ITPR2: variants seen among roughly 807,000 people sequenced by gnomAD.
ITPR2 encodes inositol 1,4,5-trisphosphate receptor type 2, also known as inositol 1,4,5-trisphosphate-gated calcium channel ITPR2.
ITPR2 carries 207 observed loss-of-function variants against 317.1 expected under a neutral mutation model. The observed-to-expected ratio is 0.65, with a 90% CI of 0.58 to 0.73. The LOEUF is 0.73. ITPR2 is among the 30% of genes least tolerant of loss of function. ITPR2 has a pLI of 0.00. For synonymous variants in ITPR2, 1,156 were observed against 1,149.1 expected, an observed-to-expected ratio of 1.01 and a Z score of -0.12; for missense variants, 2,613 against 3,284.0, an observed-to-expected ratio of 0.80 and a Z score of 4.99.
intron 40 of ITPR2, 110 bp downstream of exon 40, chr12:26,486,958 T>C (rs966111945): frequency 9.0e-7 from 1 of 1,107,802 alleles, no homozygotes; most frequent in African/African-American, 1.5e-5. Flanking sequence ...AGAGCCACAG[T>C]GGGGATAATT....
intron 4 of ITPR2, among the ~76,000 whole-genome samples, chr12:26,723,039 A>G (rs189082924): frequency 1.3e-5 from 2 of 152,198 alleles, no homozygotes; most frequent in Admixed American, 1.3e-4. Flanking sequence ...TGCTCATCCT[A>G]AATAGGCTTC....
Position 26,541,666 on chromosome 12 carries a change from A to T in ITPR2, c.5073+8581T>A, listed in dbSNP as rs138729413. On this transcript the variant is annotated intron_variant, in intron 37 of 56. Coordinates refer to ENST00000381340, the MANE Select transcript of ITPR2 (RefSeq NM_002223.4). ...GAATGATTCTATACAGATTGATACA[A>T]TAAGAGGAGCTTGATACAATTTACA... Among the ~76,000 whole-genome samples, 149 of 152,354 alleles carry T rather than the reference A, an allele frequency of 9.8e-4. 1 individual carries two copies. Among genetic ancestry groups the T allele is most frequent in the African/African-American group, 3.4e-3 (140 of 41,586 alleles).
chr12:26,752,187 T>C (rs1041461058), intron 2 of ITPR2, among the ~76,000 whole-genome samples: 1 of 152,218 alleles, frequency 6.6e-6, no homozygotes, highest in Non-Finnish European at 1.5e-5. Flanking sequence ...TTTCTCCTAT[T>C]GCATTCTCAG....
chr12:26,827,425 A>C (rs1300236055), intron 1 of ITPR2, among the ~76,000 whole-genome samples: 1 of 152,202 alleles, frequency 6.6e-6, no homozygotes, highest in African/African-American at 2.4e-5. Flanking sequence ...AATTTTGCAC[A>C]AACAGACTGA....
chr12:26,370,178 C>A (rs889817315), intron 55 of ITPR2, among the ~76,000 whole-genome samples: 4 of 152,136 alleles, frequency 2.6e-5, no homozygotes, highest in African/African-American at 4.8e-5. Flanking sequence ...ATGATGGTAA[C>A]CCCTGAATTT....
At chr12:26,645,162 T>C (rs4964009) in intron 21 of ITPR2, among the ~76,000 whole-genome samples, 83,464 of 152,064 alleles carry the variant, frequency 0.55, 23,657 homozygotes, top group East Asian at 0.8. Flanking sequence ...GCTAATCCTC[T>C]CCCAGAGTCT....
intron 2 of ITPR2, 24 bp downstream of exon 2, chr12:26,790,133 T>TA (rs1246225919): frequency 1.2e-5 from 19 of 1,534,166 alleles, no homozygotes; most frequent in Non-Finnish European, 1.7e-5. Flanking sequence ...CTCACACAAT[T>TA]AAAAAAATAT....
intron 9 of ITPR2, among the ~76,000 whole-genome samples, chr12:26,703,073 G>C (rs1207607324): frequency 6.6e-6 from 1 of 152,156 alleles, no homozygotes; most frequent in East Asian, 1.9e-4. Context: ...AAACAATCCA[G>C]TTAAGTGCTG....
At chr12:26,760,723 TGGC>T (rs1409702352) in intron 2 of ITPR2, among the ~76,000 whole-genome samples, 4 of 152,248 alleles carry the variant, frequency 2.6e-5, no homozygotes, top group African/African-American at 9.6e-5. Flanking sequence ...TGAGGAATCC[TGGC>T]GAGAAAGACT....
intron 55 of ITPR2, among the ~76,000 whole-genome samples, chr12:26,361,388 C>T (rs1218606203): frequency 6.6e-6 from 1 of 152,168 alleles, no homozygotes; most frequent in Non-Finnish European, 1.5e-5. Flanking sequence ...ACAATATCCT[C>T]TCATTCCTGT....
intron 55 of ITPR2, among the ~76,000 whole-genome samples, chr12:26,364,272 T>C (rs1272293002): frequency 6.6e-6 from 1 of 152,242 alleles, no homozygotes; most frequent in African/African-American, 2.4e-5. Flanking sequence ...ATATTATTTA[T>C]CAATCGTATT....
chr12:26,648,340 G>T (rs1481985635), intron 21 of ITPR2, among the ~76,000 whole-genome samples: 3 of 152,124 alleles, frequency 2.0e-5, no homozygotes, highest in East Asian at 1.9e-4. Flanking sequence ...ACATTTTTCT[G>T]CATGTCCAAC....
At chr12:26,766,296 TG>T (rs1423162593) in intron 2 of ITPR2, among the ~76,000 whole-genome samples, 1 of 151,752 alleles carries the variant, frequency 6.6e-6, no homozygotes, top group Non-Finnish European at 1.5e-5. Flanking sequence ...TTTTATTATC[TG>T]TTTTTTTTTT....
At chr12:26,722,674 CA>C (rs764737405) in intron 4 of ITPR2, 119 bp from the exon 5 acceptor site, 32 of 724,404 alleles carry the variant, frequency 4.4e-5, no homozygotes, top group African/African-American at 9.1e-5. Flanking sequence ...GAAAATTAAA[CA>C]AAGGAGTATT....
chr12:26,554,451 C>A (rs1591892744), intron 36 of ITPR2, among the ~76,000 whole-genome samples: 1 of 152,192 alleles, frequency 6.6e-6, no homozygotes. Context: ...ATATTTTAGG[C>A]TTTGTGGGGT....
At chr12:26,368,408 T>C (rs780600145) in intron 55 of ITPR2, among the ~76,000 whole-genome samples, 3 of 151,912 alleles carry the variant, frequency 2.0e-5, no homozygotes, top group Non-Finnish European at 4.4e-5. Flanking sequence ...TGAAGAATTA[T>C]AGGTATTGGG....
chr12:26,540,978 A>G (rs1008657478), intron 37 of ITPR2, among the ~76,000 whole-genome samples: 3 of 152,092 alleles, frequency 2.0e-5, no homozygotes, highest in Non-Finnish European at 2.9e-5. Flanking sequence ...ACTCATTTTC[A>G]TATTTCCAAC....
chr12:26,717,618 T>C lies in ITPR2; in HGVS notation c.526-1376A>G, dbSNP rs114170443. 5.5e-3 allele frequency among the ~76,000 whole-genome samples: 833 copies of C among 152,262 alleles called. 4 individuals are homozygous for C. The highest frequency in any genetic ancestry group is 0.018 in the African/African-American group (760 of 41,556). On this transcript the variant is annotated intron_variant, in intron 5 of 56. Transcript: ENST00000381340. The stretch of plus-strand genomic sequence containing the variant: ...TAAGGAGCAGTATTAAGTGAAAAGA[T>C]GAATAGGCAGAGCAAGGCATGTAGT...
chr12:26,597,676 C>T (rs920779329), intron 30 of ITPR2, among the ~76,000 whole-genome samples: 6 of 151,962 alleles, frequency 3.9e-5, no homozygotes, highest in Admixed American at 2.6e-4. Flanking sequence ...AAACTAAAAC[C>T]AAAAAACCGA....
Sources: gnomAD v4.1 joint callset for allele counts (sites outside exome capture counted in the v4.1 genomes callset) on GRCh38, gnomAD v4.1.1 for gene constraint, MANE v1.5 for transcripts, NCBI Gene and HGNC (gene_info 2026-07-23, HGNC 2026-07-21) for gene names.